Variants in TTC28 observed in about 807,000 individuals in gnomAD.
TTC28 encodes the protein tetratricopeptide repeat domain 28.
A neutral mutation model predicts 198.0 loss-of-function variants in TTC28; 61 were observed. The observed-to-expected ratio is 0.31, with a 90% CI of 0.25 to 0.38. TTC28 has a LOEUF of 0.38. Among genes scored for constraint, TTC28 ranks in the 10% least tolerant of loss-of-function variants. The pLI is 1.00. For missense variants in TTC28, 2,678 were observed against 3,164.0 expected (o/e 0.85, Z 3.69); for synonymous variants, 1,171 against 1,297.8 (o/e 0.90, Z 2.10).
chr22:28,144,100 C>T (rs1943404862), intron 6 of TTC28, among the ~76,000 whole-genome samples: 1 of 152,226 alleles, frequency 6.6e-6, no homozygotes, highest in African/African-American at 2.4e-5. Flanking sequence ...CTGTGCCAGG[C>T]ACCATGCAAA....
At chr22:28,476,496 G>A (rs948430634) in intron 2 of TTC28, among the ~76,000 whole-genome samples, 11 of 152,114 alleles carry the variant, frequency 7.2e-5, no homozygotes, top group African/African-American at 1.7e-4. Context: ...GGTTTATAAA[G>A]TTAAAAGTTC....
intron 2 of TTC28, among the ~76,000 whole-genome samples, chr22:28,362,228 C>T (rs2046170524): frequency 6.6e-6 from 1 of 152,060 alleles, no homozygotes; most frequent in Non-Finnish European, 1.5e-5. Flanking sequence ...CTTTGCTGTG[C>T]TGTTCTCATG....
chr22:28,113,125 G>A (rs1942532009), intron 6 of TTC28, among the ~76,000 whole-genome samples: 1 of 152,136 alleles, frequency 6.6e-6, no homozygotes, highest in Non-Finnish European at 1.5e-5. Flanking sequence ...GGAGGTGTGA[G>A]CTGCACAAGC....
intron 12 of TTC28, among the ~76,000 whole-genome samples, chr22:28,083,389 C>A (rs1348101715): frequency 6.6e-6 from 1 of 152,180 alleles, no homozygotes; most frequent in Non-Finnish European, 1.5e-5. Flanking sequence ...AGAACTAGAT[C>A]ACAGTGACAG....
At chr22:28,579,987 TACAC>T (rs374039787) in intron 2 of TTC28, among the ~76,000 whole-genome samples, 19 of 150,816 alleles carry the variant, frequency 1.3e-4, no homozygotes, top group African/African-American at 1.7e-4. Flanking sequence ...AAAAAAATTA[TACAC>T]ACACACACAC....
At chr22:28,370,830 C>T (rs1432181118) in intron 2 of TTC28, among the ~76,000 whole-genome samples, 1 of 152,172 alleles carries the variant, frequency 6.6e-6, no homozygotes, top group Non-Finnish European at 1.5e-5. Context: ...TCAATGTTGT[C>T]CCTGGCCCAG....
At chr22:28,230,422 A>T (rs1201021682) in intron 5 of TTC28, among the ~76,000 whole-genome samples, 1 of 152,226 alleles carries the variant, frequency 6.6e-6, no homozygotes, top group Non-Finnish European at 1.5e-5. Flanking sequence ...GAGACTTGTT[A>T]CAATCCATTC....
intron 5 of TTC28, among the ~76,000 whole-genome samples, chr22:28,250,867 C>T (rs2147273230): frequency 6.6e-6 from 1 of 152,278 alleles, no homozygotes; most frequent in South Asian, 2.1e-4. Flanking sequence ...GGCTGAGATG[C>T]AAGCCTAGAG....
At chr22:28,627,435 C>CT (rs113850616) in intron 2 of TTC28, among the ~76,000 whole-genome samples, 6,126 of 138,302 alleles carry the variant, frequency 0.044, 176 homozygotes, top group Admixed American at 0.09. Flanking sequence ...TTTTCTTTTT[C>CT]TTTTTTTTTT....
At chr22:28,442,069 C>T (rs548867788) in intron 2 of TTC28, among the ~76,000 whole-genome samples, 8 of 152,092 alleles carry the variant, frequency 5.3e-5, no homozygotes, top group African/African-American at 1.9e-4. Flanking sequence ...CATTTAGAAA[C>T]GTTATTTCTG....
intron 6 of TTC28, among the ~76,000 whole-genome samples, chr22:28,161,650 T>C (rs929127976): frequency 3.4e-5 from 5 of 147,220 alleles, no homozygotes; most frequent in Admixed American, 1.4e-4. Context: ...GGAGACCCTG[T>C]CTCAAGAAAG....
At chr22:28,661,065 A>C (rs1265071876) in intron 1 of TTC28, among the ~76,000 whole-genome samples, 1 of 151,540 alleles carries the variant, frequency 6.6e-6, no homozygotes, top group Non-Finnish European at 1.5e-5. Context: ...TGAGCGGATC[A>C]CCTGAGGTCG....
At position 28,170,980 on chromosome 22, in the gene TTC28, C is replaced by CTTTTTTTTTT. The variant is rs76585422; in HGVS notation, c.934-7391_934-7382dup. ...CCTCTCACATTGCTTGCCACTCATT[C>CTTTTTTTTTT]TTTTTTTTTTTTTTTTTCTTATTTT... On this transcript the variant is annotated intron_variant, in intron 5 of 22. Coordinates refer to ENST00000397906, the MANE Select transcript of TTC28 (RefSeq NM_001145418.2). 5.3e-5 allele frequency among the ~76,000 whole-genome samples: 7 copies of CTTTTTTTTTT among 132,804 alleles called. 1 individual carries two copies. The highest frequency in any genetic ancestry group is 1.9e-4 in the African/African-American group (7 of 36,270). The allele number at this position is 132,804 out of a possible 152,430, so 87.1% of individuals were successfully genotyped here.
chr22:28,359,961 C>T (rs1324563474), intron 2 of TTC28, among the ~76,000 whole-genome samples: 1 of 152,034 alleles, frequency 6.6e-6, no homozygotes, highest in East Asian at 1.9e-4. Flanking sequence ...CTTCCCTACC[C>T]CACCCCACCC....
intron 2 of TTC28, among the ~76,000 whole-genome samples, chr22:28,592,457 C>T (rs1159114792): frequency 1.3e-5 from 2 of 151,902 alleles, no homozygotes; most frequent in African/African-American, 4.8e-5. Flanking sequence ...TCGAGACCAG[C>T]CTGATCAACA....
At chr22:28,592,142 G>T (rs2050445648) in intron 2 of TTC28, among the ~76,000 whole-genome samples, 1 of 152,104 alleles carries the variant, frequency 6.6e-6, no homozygotes, top group Non-Finnish European at 1.5e-5. Context: ...ATGAAGAGAA[G>T]CTATGAGTGG....
chr22:28,636,127 ATTTTTTTTTT>A (rs71316851), intron 1 of TTC28, among the ~76,000 whole-genome samples: 18 of 65,736 alleles, frequency 2.7e-4, no homozygotes, highest in African/African-American at 9.7e-4. Flanking sequence ...AAATGTCAGG[ATTTTTTTTTT>A]TTTTTTTTTT....
At chr22:28,156,541 A>T (rs1013940244) in intron 6 of TTC28, among the ~76,000 whole-genome samples, 1 of 152,228 alleles carries the variant, frequency 6.6e-6, no homozygotes, top group Non-Finnish European at 1.5e-5. Flanking sequence ...GGAATAAGAA[A>T]CTAAGGCAGA....
intron 12 of TTC28, 76 bp downstream of exon 12, chr22:28,094,004 C>A: frequency 7.1e-7 from 1 of 1,406,390 alleles, no homozygotes; most frequent in Non-Finnish European, 9.4e-7. Context: ...CTTCTGTTAG[C>A]TCAAATAGGA....
Sources: gnomAD v4.1 joint callset for allele counts (sites outside exome capture counted in the v4.1 genomes callset) on GRCh38, gnomAD v4.1.1 for gene constraint, MANE v1.5 for transcripts, NCBI Gene and HGNC (gene_info 2026-07-23, HGNC 2026-07-21) for gene names.